Variants in ARHGEF26 observed in about 807,000 individuals in gnomAD.
The protein encoded by ARHGEF26 is Rho guanine nucleotide exchange factor 26.
In ARHGEF26, 59 loss-of-function variants were observed where a neutral mutation model predicts 89.4. The ratio of observed to expected loss-of-function variants is 0.66; its 90% CI spans 0.54 to 0.82. The LOEUF is 0.82. Ranked by LOEUF, ARHGEF26 falls within the 40% of genes least tolerant of loss-of-function variation. ARHGEF26 has a pLI of 0.00. For missense variants in ARHGEF26, 1,234 were observed against 1,085.6 expected (o/e 1.14, Z -1.92); for synonymous variants, 500 against 428.4 (o/e 1.17, Z -2.06).
chr3:154,181,552 G>A (rs560882499), intron 6 of ARHGEF26, among the ~76,000 whole-genome samples: 31 of 152,194 alleles, frequency 2.0e-4, no homozygotes, highest in South Asian at 8.3e-4. Flanking sequence ...CTTTTTTTCT[G>A]TGTTTCCAGA....
chr3:154,199,349 C>T (rs1714486167), intron 9 of ARHGEF26, among the ~76,000 whole-genome samples: 1 of 151,954 alleles, frequency 6.6e-6, no homozygotes, highest in Admixed American at 6.6e-5. Context: ...TTTCATTTAA[C>T]ATAATGACCT....
intron 4 of ARHGEF26, among the ~76,000 whole-genome samples, chr3:154,137,665 C>A (rs1000202742): frequency 2.6e-5 from 4 of 151,926 alleles, no homozygotes; most frequent in South Asian, 2.1e-4. Context: ...ATAATATGTC[C>A]TTCATGTAGA....
intron 6 of ARHGEF26, among the ~76,000 whole-genome samples, chr3:154,162,872 TATA>T (rs1711752898): frequency 6.6e-6 from 1 of 152,168 alleles, no homozygotes; most frequent in East Asian, 1.9e-4. Flanking sequence ...AAATTTGTAT[TATA>T]TATGATAATC....
chr3:154,122,693 T>G lies in ARHGEF26; in HGVS notation c.701T>G (p.Val234Gly), dbSNP rs1255966942. ...ENELLENPSV[V>G]LSTNSPAALK... ...GAGCTCCTCGAGAATCCTTCCGTGG[T>G]TTTGAGTACAAACAGCCCCGCCGCC... The change falls in exon 2 of 15, where the codon GTT becomes GGT. Residue 234 changes from valine (V) to glycine (G), a missense_variant. Transcript: ENST00000465093. 6 of 1,613,650 alleles carry G rather than the reference T, an allele frequency of 3.7e-6. No individual in the cohort carries two copies. The highest frequency in any genetic ancestry group is 1.1e-5 in the South Asian group (1 of 91,050).
intron 6 of ARHGEF26, among the ~76,000 whole-genome samples, chr3:154,166,789 C>G (rs1712070442): frequency 6.6e-6 from 1 of 152,112 alleles, no homozygotes; most frequent in African/African-American, 2.4e-5. Context: ...GAGGGTCCGC[C>G]TACAACCACT....
intron 5 of ARHGEF26, among the ~76,000 whole-genome samples, chr3:154,150,219 T>C (rs1719940708): frequency 6.7e-6 from 1 of 148,592 alleles, no homozygotes. Context: ...TTAAAAAAAA[T>C]AATAGTATAG....
chr3:154,224,972 T>C (rs1040037682), intron 10 of ARHGEF26, among the ~76,000 whole-genome samples: 15 of 152,176 alleles, frequency 9.9e-5, no homozygotes, highest in South Asian at 4.1e-4. Context: ...TTCTGCATTA[T>C]GTTTTGTGTG....
chr3:154,122,202 C>A lies in ARHGEF26; in HGVS notation c.210C>A (p.Thr70=), dbSNP rs1193990761. Residue 70 remains threonine, a synonymous_variant, in exon 2 of 15, where the codon ACC becomes ACA. Transcript: ENST00000465093. ...LAAQIPAQVP[T]ASDSRTVHRS... is the part of the protein sequence containing the mutation. The stretch of plus-strand genomic sequence containing the variant: ...CGCAGATTCCCGCCCAGGTGCCCAC[C>A]GCCTCGGACAGCAGGACGGTACATA... 13 of 1,603,564 alleles carry A rather than the reference C, an allele frequency of 8.1e-6. No homozygotes were observed. Among genetic ancestry groups the A allele is most frequent in the African/African-American group, 1.3e-5 (1 of 74,618 alleles).
intron 5 of ARHGEF26, among the ~76,000 whole-genome samples, chr3:154,149,764 T>C (rs1719907573): frequency 6.6e-6 from 1 of 152,150 alleles, no homozygotes; most frequent in Non-Finnish European, 1.5e-5. Context: ...AGGATGTTTA[T>C]GGAAAAACTG....
intron 5 of ARHGEF26, among the ~76,000 whole-genome samples, chr3:154,150,674 G>T (rs1349739278): frequency 6.6e-6 from 1 of 151,554 alleles, no homozygotes; most frequent in East Asian, 1.9e-4. Flanking sequence ...TTCCTTCATT[G>T]TTAACATTGT....
chr3:154,223,665 T>G (rs1251977031), intron 10 of ARHGEF26, among the ~76,000 whole-genome samples: 2 of 152,150 alleles, frequency 1.3e-5, no homozygotes, highest in African/African-American at 4.8e-5. Flanking sequence ...GAAAGTAGAT[T>G]AGTGGTTGCC....
intron 6 of ARHGEF26, among the ~76,000 whole-genome samples, chr3:154,175,717 G>A (rs968498037): frequency 1.3e-5 from 2 of 152,178 alleles, no homozygotes; most frequent in Non-Finnish European, 2.9e-5. Flanking sequence ...CGGAAGGAGG[G>A]TGTTTTAGTT....
At chr3:154,187,661 T>TG (rs1713669523) in intron 6 of ARHGEF26, 24 bp from the exon 7 acceptor site, 3 of 1,574,572 alleles carry the variant, frequency 1.9e-6, no homozygotes, top group African/African-American at 1.3e-5. Context: ...AAGTGTTAAT[T>TG]TTTTTTTCCC....
At chr3:154,149,563 G>A in intron 5 of ARHGEF26, 118 bp downstream of exon 5, 1 of 866,978 alleles carries the variant, frequency 1.2e-6, no homozygotes, top group South Asian at 3.2e-5. Context: ...AAATGTATTT[G>A]TTTAACAAAA....
intron 6 of ARHGEF26, among the ~76,000 whole-genome samples, chr3:154,171,769 G>C (rs1712456376): frequency 6.6e-6 from 1 of 152,016 alleles, no homozygotes; most frequent in African/African-American, 2.4e-5. Flanking sequence ...TTCAAGCAAT[G>C]GTGCTGAAAG....
chr3:154,220,902 A>G (rs1339087131), intron 10 of ARHGEF26, among the ~76,000 whole-genome samples: 3 of 152,220 alleles, frequency 2.0e-5, no homozygotes, highest in African/African-American at 7.2e-5. Context: ...TGGAGAAAAA[A>G]ATAGTTGCAA....
chr3:154,252,037 A>G (rs1042788059), intron 12 of ARHGEF26, among the ~76,000 whole-genome samples: 11 of 152,200 alleles, frequency 7.2e-5, no homozygotes, highest in Admixed American at 6.5e-4. Context: ...CTATGTTCCA[A>G]TGCGGTAAGT....
Position 154,200,330 on chromosome 3 carries a change from T to C in ARHGEF26, c.1845+5612T>C, listed in dbSNP as rs113250619. Among the ~76,000 whole-genome samples the C allele has an allele frequency of 1.4e-3, 213 of 152,278 alleles. 2 individuals carry two copies. The highest frequency in any genetic ancestry group is 4.9e-3 in the African/African-American group (203 of 41,568). On this transcript the variant is annotated intron_variant, in intron 9 of 14. Coordinates refer to ENST00000465093, the MANE Select transcript of ARHGEF26 (RefSeq NM_015595.4). The stretch of plus-strand genomic sequence containing the variant: ...ATTAAAGAGACTGTCTTTTCCTCAG[T>C]GTATGTTTTTGGCACTTTTGTCATA...
chr3:154,198,289 CTAG>C (rs1714406415), intron 9 of ARHGEF26, among the ~76,000 whole-genome samples: 1 of 152,086 alleles, frequency 6.6e-6, no homozygotes, highest in African/African-American at 2.4e-5. Context: ...GGAATGTAAA[CTAG>C]TACAACCAAT....
Sources: allele counts gnomAD v4.1 joint callset (sites outside exome capture counted in the v4.1 genomes callset), GRCh38; gene constraint gnomAD v4.1.1; transcripts MANE v1.5; gene names NCBI Gene and HGNC (gene_info 2026-07-23, HGNC 2026-07-21).